Variants in GPR161 observed in about 807,000 individuals in gnomAD.
GPR161 encodes the protein G protein-coupled receptor 161.
A neutral mutation model predicts 39.2 loss-of-function variants in GPR161; 25 were observed. The observed-to-expected ratio is 0.64, with a 90% CI of 0.47 to 0.89. The LOEUF (loss-of-function observed/expected upper bound fraction) is 0.89, where lower values mean the gene tolerates loss of function less well. GPR161 is among the 40% of genes least tolerant of loss of function. The pLI, the probability that GPR161 is intolerant of heterozygous loss-of-function variation, is 0.00. For synonymous variants in GPR161, 286 were observed against 276.6 expected (o/e 1.03, Z -0.34); for missense variants, 547 against 677.8 (o/e 0.81, Z 2.14).
chr1:168,099,843 G>GGA (rs1315746255), intron 2 of GPR161, among the ~76,000 whole-genome samples: 4 of 146,014 alleles, frequency 2.7e-5, no homozygotes, highest in African/African-American at 5.0e-5. Context: ...TTTTGGGGGG[G>GGA]GGGGGTTGGT....
chr1:168,085,319 G>A lies in GPR161; in HGVS notation c.*212C>T, dbSNP rs1694372452. Reference sequence around the variant, plus strand: ...GTCCCATCACTGGGACCTAAAAGAAGCTCACATGTGGTCTCTGGAAATGCT... The same window carrying A: ...GTCCCATCACTGGGACCTAAAAGAAACTCACATGTGGTCTCTGGAAATGCT... On this transcript the variant is annotated 3_prime_UTR_variant, in exon 6 of 6. Transcript: ENST00000682931. 1 of 593,100 alleles carries A rather than the reference G, an allele frequency of 1.7e-6. No homozygotes were observed. The highest frequency in any genetic ancestry group is 3.0e-6 in the Non-Finnish European group (1 of 333,874). The allele number at this position is 593,100 out of a possible 1,614,324, so 36.7% of individuals were successfully genotyped here. A position where few individuals can be genotyped will look rare whatever the true frequency, so the allele number is the denominator to read the frequency against.
chr1:168,109,706 C>A (rs1417726717), intron 1 of GPR161, among the ~76,000 whole-genome samples: 1 of 152,232 alleles, frequency 6.6e-6, no homozygotes, highest in Non-Finnish European at 1.5e-5. Flanking sequence ...GTGGCTGATG[C>A]CTGTAATCCC....
intron 1 of GPR161, among the ~76,000 whole-genome samples, chr1:168,115,756 C>A (rs1320847380): frequency 6.6e-6 from 1 of 152,058 alleles, no homozygotes; most frequent in African/African-American, 2.4e-5. Context: ...CCTGTCCTCT[C>A]CAGAATTCTG....
intron 1 of GPR161, among the ~76,000 whole-genome samples, chr1:168,125,064 T>C (rs1698482532): frequency 1.3e-5 from 2 of 152,264 alleles, no homozygotes; most frequent in Admixed American, 1.3e-4. Context: ...CAAATGTGTA[T>C]TGCATATTCT....
chr1:168,096,696 C>A lies in GPR161; in HGVS notation c.911G>T (p.Ser304Ile), dbSNP rs759000243. 2 of 1,614,120 alleles carry A rather than the reference C, an allele frequency of 1.2e-6. No homozygotes were observed. Among genetic ancestry groups the A allele is most frequent in the Admixed American group, 3.3e-5 (2 of 60,026 alleles). The change falls in exon 3 of 6, where the codon AGC (serine) becomes ATC (isoleucine). Residue 304 changes from serine to isoleucine, a missense_variant. Physicochemically the swap from Ser to Ile is moderately radical, Grantham distance 142 (BLOSUM62 -2). Coordinates refer to ENST00000682931, the MANE Select transcript of GPR161 (RefSeq NM_001375883.1). ...ALWGKSSVSP[S>I]LETWATWLSF... is the part of the protein sequence containing the mutation. ...CAGCCATGTGGCCCAAGTCTCCAGG[C>A]TCGGGGAGACGGAGCTTTTCCCCCA... is the stretch of plus-strand genomic sequence containing the variant.
chr1:168,092,358 T>C (rs910724256), intron 3 of GPR161, among the ~76,000 whole-genome samples: 1 of 152,134 alleles, frequency 6.6e-6, no homozygotes, highest in Non-Finnish European at 1.5e-5. Context: ...AACATGTCGG[T>C]CTGCACCAGT....
chr1:168,082,728 C>G lies in GPR161; in HGVS notation c.*2803G>C, dbSNP rs1056900493. On this transcript the variant is annotated 3_prime_UTR_variant, in exon 6 of 6. Transcript: ENST00000682931. ...CCCATGTGCCACTGTCCATGTGGTCCCATCAGGAAGGCTGCAGGCCTGCCA... is the reference window on the plus strand; with the variant it reads ...CCCATGTGCCACTGTCCATGTGGTCGCATCAGGAAGGCTGCAGGCCTGCCA... 6.6e-6 allele frequency: 1 copy of G among 152,176 alleles called. No individual in the cohort carries two copies. The highest frequency in any genetic ancestry group is 6.5e-5 in the Admixed American group (1 of 15,282). The allele number at this position is 152,176 out of a possible 1,614,324, so 9.4% of individuals were successfully genotyped here. A position where few individuals can be genotyped will look rare whatever the true frequency, so the allele number is the denominator to read the frequency against.
rs1553255590 is a variant in GPR161 at position 168,079,641 on chromosome 1, TA to T, written c.*5889del. 1 of 152,228 alleles carries T rather than the reference TA, an allele frequency of 6.6e-6. No homozygotes were observed. Among genetic ancestry groups the T allele is most frequent in the Non-Finnish European group, 1.5e-5 (1 of 68,034 alleles). 9.4% of individuals were successfully genotyped at this position (152,228 alleles called of 1,614,324 possible). On this transcript the variant is annotated 3_prime_UTR_variant, in exon 6 of 6. Coordinates refer to ENST00000682931, the MANE Select transcript of GPR161 (RefSeq NM_001375883.1). ...TTTATAATAATCCTAAACTTTTTTTTAACCTTAAAAAAATCATCCAAAGACT... is the reference window on the plus strand; with the variant it reads ...TTTATAATAATCCTAAACTTTTTTTTACCTTAAAAAAATCATCCAAAGACT...
intron 5 of GPR161, among the ~76,000 whole-genome samples, chr1:168,086,857 G>A (rs942404971): frequency 2.0e-5 from 3 of 152,194 alleles, no homozygotes; most frequent in Non-Finnish European, 4.4e-5. Flanking sequence ...GTGTGGAGAA[G>A]AGATGTGATT....
intron 1 of GPR161, among the ~76,000 whole-genome samples, chr1:168,126,655 T>C (rs1020983548): frequency 6.6e-6 from 1 of 152,124 alleles, no homozygotes; most frequent in Non-Finnish European, 1.5e-5. Flanking sequence ...GGTTTTGCTA[T>C]GTTACCCAGG....
At chr1:168,104,361 C>T in intron 2 of GPR161, 116 bp downstream of exon 2, 1 of 785,456 alleles carries the variant, frequency 1.3e-6, no homozygotes, top group Non-Finnish European at 2.1e-6. Flanking sequence ...CCTGGTCATC[C>T]TCCCCCAGCA....
chr1:168,136,883 C>T lies in GPR161; in HGVS notation c.-189G>A, dbSNP rs1179699314. 1.7e-5 allele frequency: 17 copies of T among 982,144 alleles called. No individual in the cohort carries two copies. The African/African-American group carries it at 2.8e-4, about 16-fold the overall frequency. 60.8% of individuals were successfully genotyped at this position (982,144 alleles called of 1,614,324 possible). ...CCCACCGAGCCCCGCTTCGCTCCTC[C>T]CGCGGGCCAGCCACCAGCACGCGGA... On this transcript the variant is annotated 5_prime_UTR_variant, in exon 1 of 6. Transcript: ENST00000682931.
chr1:168,131,340 C>T (rs1698975594), intron 1 of GPR161, among the ~76,000 whole-genome samples: 1 of 152,138 alleles, frequency 6.6e-6, no homozygotes, highest in Non-Finnish European at 1.5e-5. Flanking sequence ...CAAATACCCT[C>T]TACCTCGACC....
At chr1:168,107,806 C>T (rs10918827) in intron 1 of GPR161, among the ~76,000 whole-genome samples, 55,792 of 152,036 alleles carry the variant, frequency 0.37, 10,475 homozygotes, top group Admixed American at 0.48. Context: ...TCTTTCTTTT[C>T]AGACCAGGAA....
intron 1 of GPR161, among the ~76,000 whole-genome samples, chr1:168,132,552 A>C (rs147016220): frequency 0.035 from 5,188 of 149,420 alleles, 285 homozygotes; most frequent in African/African-American, 0.12. Flanking sequence ...CGCGCCACTG[A>C]ACTCCAGCCT....
intron 1 of GPR161, among the ~76,000 whole-genome samples, chr1:168,113,716 A>C (rs1032088790): frequency 9.9e-5 from 15 of 152,254 alleles, no homozygotes; most frequent in African/African-American, 3.6e-4. Context: ...TGTTATCCTT[A>C]ACAAACTAAT....
chr1:168,114,759 G>A (rs73030214), intron 1 of GPR161, among the ~76,000 whole-genome samples: 4,189 of 152,324 alleles, frequency 0.028, 137 homozygotes, highest in African/African-American at 0.078. Context: ...CTGGTGCACA[G>A]TAACATTTCA....
intron 1 of GPR161, among the ~76,000 whole-genome samples, chr1:168,130,654 C>A (rs1015320449): frequency 2.6e-5 from 4 of 152,226 alleles, no homozygotes; most frequent in Non-Finnish European, 5.9e-5. Flanking sequence ...TGTTCCCTCT[C>A]TATGCCCACT....
In GPR161 at chr1:168,085,027, C is replaced by A. The variant is rs904169451; in HGVS notation, c.*504G>T. 6.6e-6 allele frequency: 3 copies of A among 456,248 alleles called. No individual in the cohort carries two copies. The highest frequency in any genetic ancestry group is 6.0e-5 in the African/African-American group (3 of 50,072). 28.3% of individuals were successfully genotyped at this position (456,248 alleles called of 1,614,324 possible). On this transcript the variant is annotated 3_prime_UTR_variant, in exon 6 of 6. Coordinates refer to ENST00000682931, the MANE Select transcript of GPR161 (RefSeq NM_001375883.1). Reference sequence around the variant, plus strand: ...GAGGGTCCCACACTGCCCGCATCAACCATGTAGAGGCACCAGGACGGTCGC... The same window carrying A: ...GAGGGTCCCACACTGCCCGCATCAAACATGTAGAGGCACCAGGACGGTCGC...
Sources: gnomAD v4.1 joint callset for allele counts (sites outside exome capture counted in the v4.1 genomes callset) on GRCh38, gnomAD v4.1.1 for gene constraint, MANE v1.5 for transcripts, NCBI Gene and HGNC (gene_info 2026-07-23, HGNC 2026-07-21) for gene names.